CCDC15: variants seen among roughly 807,000 people sequenced by gnomAD.
The protein encoded by CCDC15 is coiled-coil domain containing 15.
In CCDC15, 105 loss-of-function variants were observed where a neutral mutation model predicts 114.5. The ratio of observed to expected loss-of-function variants is 0.92; its 90% CI spans 0.78 to 1.08. The LOEUF is 1.08. CCDC15 is among the 50% of genes least tolerant of loss of function. The pLI, the probability that CCDC15 is intolerant of heterozygous loss-of-function variation, is 0.00. For missense variants in CCDC15, 1,105 were observed against 1,093.6 expected (o/e 1.01, Z -0.15); for synonymous variants, 334 against 377.8 (o/e 0.88, Z 1.34).
At chr11:125,012,831 A>G (rs183549925) in intron 13 of CCDC15, among the ~76,000 whole-genome samples, 14 of 152,364 alleles carry the variant, frequency 9.2e-5, no homozygotes, top group Admixed American at 8.5e-4. Context: ...GGACTGTTCT[A>G]TATGCTGAGA....
chr11:124,981,516 T>C lies in CCDC15; in HGVS notation c.753+3916T>C, dbSNP rs531155437. 5.3e-5 allele frequency among the ~76,000 whole-genome samples: 8 copies of C among 152,070 alleles called. No homozygotes were observed. In the East Asian group the frequency reaches 1.4e-3, roughly 26 times the overall value. The stretch of plus-strand genomic sequence containing the variant: ...CCCACTACCACACCTGGCTAATTTT[T>C]GTATTTTTAGCAGAGACAGGGTTTT... On this transcript the variant is annotated intron_variant, in intron 6 of 15. Transcript: ENST00000344762.
intron 11 of CCDC15, among the ~76,000 whole-genome samples, chr11:125,002,805 G>A (rs1464022390): frequency 2.6e-5 from 4 of 151,930 alleles, no homozygotes; most frequent in Non-Finnish European, 5.9e-5. Flanking sequence ...TTATATCTTT[G>A]TAGTAAGTTT....
chr11:125,009,535 C>T (rs901960657), intron 13 of CCDC15, among the ~76,000 whole-genome samples: 4 of 151,962 alleles, frequency 2.6e-5, no homozygotes, highest in African/African-American at 9.7e-5. Flanking sequence ...TCAGGGGGTA[C>T]AGGTGCAAGT....
chr11:124,962,813 C>T (rs914851393), intron 4 of CCDC15, among the ~76,000 whole-genome samples: 2 of 152,160 alleles, frequency 1.3e-5, no homozygotes, highest in African/African-American at 2.4e-5. Flanking sequence ...CACCATGCCA[C>T]GACAGGCCCT....
At chr11:125,010,866 C>T (rs1328563767) in intron 13 of CCDC15, among the ~76,000 whole-genome samples, 1 of 151,990 alleles carries the variant, frequency 6.6e-6, no homozygotes, top group Non-Finnish European at 1.5e-5. Flanking sequence ...AATTTTTTGC[C>T]AAAGCTGATG....
rs1332457775 is a variant in CCDC15 at position 125,040,685 on chromosome 11, C to T, written c.2830C>T (p.His944Tyr). 2 of 1,612,002 alleles carry T rather than the reference C, an allele frequency of 1.2e-6. No homozygotes were observed. Among genetic ancestry groups the T allele is most frequent in the African/African-American group, 2.7e-5 (2 of 74,888 alleles). The change falls in exon 16 of 16, where the codon CAC becomes TAC. Residue 944 changes from histidine to tyrosine, a missense_variant. Physicochemically the swap from His to Tyr is moderately conservative, Grantham distance 83 (BLOSUM62 2). Coordinates refer to ENST00000344762, the MANE Select transcript of CCDC15 (RefSeq NM_025004.3). ...RVAIHNFASA[H>Y]RRTLKNL ...CGCAATTCATAATTTTGCTTCTGCACACAGGCGGACTTTGAAAAATCTATA... is the reference window on the plus strand; with the variant it reads ...CGCAATTCATAATTTTGCTTCTGCATACAGGCGGACTTTGAAAAATCTATA...
intron 13 of CCDC15, among the ~76,000 whole-genome samples, chr11:125,031,597 C>T (rs779871941): frequency 1.3e-5 from 2 of 152,206 alleles, no homozygotes; most frequent in East Asian, 3.8e-4. Flanking sequence ...TAAGAGCTGT[C>T]TCTCAAAAGG....
intron 3 of CCDC15, 91 bp from the exon 4 acceptor site, chr11:124,959,724 A>AT: frequency 1.5e-6 from 1 of 658,858 alleles, no homozygotes; most frequent in Non-Finnish European, 2.2e-6. Flanking sequence ...CCCCACCCCA[A>AT]TTTAAAATCT....
In CCDC15 at chr11:124,986,907, T is replaced by A; in HGVS notation, c.900+19T>A. ...AGTTCAGGTAAAGCAATAAGAGAAA[T>A]TAAATTAATTGTGATTTGGACTAGG... On this transcript the variant is annotated intron_variant, in intron 7 of 15. Transcript: ENST00000344762. 1 of 1,523,774 alleles carries A rather than the reference T, an allele frequency of 6.6e-7. No individual in the cohort carries two copies. The highest frequency in any genetic ancestry group is 8.8e-7 in the Non-Finnish European group (1 of 1,136,580). The allele number at this position is 1,523,774 out of a possible 1,614,324, so 94.4% of individuals were successfully genotyped here.
intron 8 of CCDC15, among the ~76,000 whole-genome samples, chr11:124,991,036 A>G (rs1948259525): frequency 1.3e-5 from 2 of 152,238 alleles, no homozygotes; most frequent in African/African-American, 4.8e-5. Flanking sequence ...CTAAAACCTA[A>G]AGTCTTAACC....
At chr11:124,982,576 G>C (rs1327977952) in intron 6 of CCDC15, among the ~76,000 whole-genome samples, 1 of 152,152 alleles carries the variant, frequency 6.6e-6, no homozygotes, top group Non-Finnish European at 1.5e-5. Context: ...GAAATTCTTG[G>C]TTGTAAATTC....
Position 125,038,443 on chromosome 11 carries a change from G to A in CCDC15, c.2424G>A (p.Lys808=), listed in dbSNP as rs748346907. The A allele has an allele frequency of 2.0e-6, 3 of 1,494,550 alleles. No individual in the cohort carries two copies. Among genetic ancestry groups the A allele is most frequent in the Admixed American group, 2.5e-5 (1 of 39,738 alleles). The allele number at this position is 1,494,550 out of a possible 1,614,324, so 92.6% of individuals were successfully genotyped here. A position where few individuals can be genotyped will look rare whatever the true frequency, so the allele number is the denominator to read the frequency against. ...QKKKIEKIKK[K]REQECYAAEQ... is the part of the protein sequence containing the mutation. ...ATTTTATTTTCAGAATTAAGAAAAAGAGAGAGCAAGAATGTTATGCTGCAG... is the reference window on the plus strand; with the variant it reads ...ATTTTATTTTCAGAATTAAGAAAAAAAGAGAGCAAGAATGTTATGCTGCAG... The change falls in exon 14 of 16, where the codon AAG becomes AAA. Residue 808 remains lysine (K), a synonymous_variant. Transcript: ENST00000344762.
Position 124,991,562 on chromosome 11 carries a change from C to T in CCDC15, c.2010C>T (p.Asp670=). 1.9e-6 allele frequency: 3 copies of T among 1,606,372 alleles called. No homozygotes were observed. The highest frequency in any genetic ancestry group is 2.6e-6 in the Non-Finnish European group (3 of 1,175,532). Residue 670 remains aspartate (D), a synonymous_variant, in exon 9 of 16, where the codon GAC becomes GAT. Coordinates refer to ENST00000344762, the MANE Select transcript of CCDC15 (RefSeq NM_025004.3). ...DYQCLPPKSQ[D]QDDIKNQQPA... The stretch of plus-strand genomic sequence containing the variant: ...AGTGTTTGCCTCCCAAATCCCAGGA[C>T]CAGGATGACATCAAAAATCAGGTAG...
chr11:125,029,376 T>C (rs1213439939), intron 13 of CCDC15, among the ~76,000 whole-genome samples: 1 of 152,192 alleles, frequency 6.6e-6, no homozygotes, highest in Non-Finnish European at 1.5e-5. Flanking sequence ...AATAAGGTCA[T>C]AATTATGCCT....
chr11:124,977,740 A>T (rs1316585666), intron 6 of CCDC15, 140 bp downstream of exon 6: 1 of 821,804 alleles, frequency 1.2e-6, no homozygotes, highest in Non-Finnish European at 1.7e-6. Flanking sequence ...TATACCATAC[A>T]ATTCACCCAT....
In CCDC15 at chr11:124,954,813, C is replaced by T. The variant is rs757567038; in HGVS notation, c.81C>T (p.Asp27=). 4.3e-6 allele frequency: 7 copies of T among 1,614,002 alleles called. No homozygotes were observed. In the Admixed American group the frequency reaches 5.0e-5, roughly 12 times the overall value. The change falls in exon 2 of 16, where the codon GAC becomes GAT. Residue 27 remains aspartate, a synonymous_variant. Transcript: ENST00000344762. ...CTTTAAACCCCCTGAAGAGCAAGGA[C>T]GTGTTGGCAGTGCTGGCTGAGAGGA... ...PLALNPLKSK[D]VLAVLAERNE...
chr11:125,040,795 T>C lies in CCDC15; in HGVS notation c.*84T>C. 2 of 1,114,368 alleles carry C rather than the reference T, an allele frequency of 1.8e-6. No homozygotes were observed. Among genetic ancestry groups the C allele is most frequent in the Non-Finnish European group, 2.6e-6 (2 of 779,518 alleles). 69.0% of individuals were successfully genotyped at this position (1,114,368 alleles called of 1,614,324 possible). On this transcript the variant is annotated 3_prime_UTR_variant, in exon 16 of 16. Coordinates refer to ENST00000344762, the MANE Select transcript of CCDC15 (RefSeq NM_025004.3). The stretch of plus-strand genomic sequence containing the variant: ...AGTATTTAAGAAAAGCTGTTCAAGT[T>C]ATAAAATATATAATCTGGGAAGAAA...
At chr11:124,976,867 A>G (rs1371887150) in intron 5 of CCDC15, among the ~76,000 whole-genome samples, 1 of 152,140 alleles carries the variant, frequency 6.6e-6, no homozygotes, top group Non-Finnish European at 1.5e-5. Flanking sequence ...AATTCAGGCT[A>G]CCTACTTGCT....
chr11:124,957,966 T>G (rs780684112), intron 2 of CCDC15, among the ~76,000 whole-genome samples: 4 of 152,134 alleles, frequency 2.6e-5, no homozygotes, highest in Non-Finnish European at 5.9e-5. Flanking sequence ...GGAACATAAT[T>G]GTTGGAGTCA....
Sources: gnomAD v4.1 joint callset for allele counts (sites outside exome capture counted in the v4.1 genomes callset) on GRCh38, gnomAD v4.1.1 for gene constraint, MANE v1.5 for transcripts, NCBI Gene and HGNC (gene_info 2026-07-23, HGNC 2026-07-21) for gene names.